The following TUT4 variants were observed in gnomAD, a reference collection of about 807,000 sequenced individuals.
The protein encoded by TUT4 is terminal uridylyltransferase 4.
Under a neutral mutation model 192.2 loss-of-function variants are expected in TUT4, and 36 were observed. The observed-to-expected ratio is 0.19, with a 90% confidence interval of 0.14 to 0.25. TUT4 has a LOEUF of 0.25. TUT4 is among the 10% of genes least tolerant of loss of function. TUT4 has a pLI of 1.00. For synonymous variants in TUT4, 618 were observed against 666.0 expected (o/e 0.93, Z 1.11); for missense variants, 1,493 against 1,957.2 (o/e 0.76, Z 4.47).
intron 11 of TUT4, among the ~76,000 whole-genome samples, chr1:52,480,480 T>C (rs921979725): frequency 2.0e-5 from 3 of 152,136 alleles, no homozygotes; most frequent in Non-Finnish European, 4.4e-5. Context: ...TAGTGTGAGT[T>C]AAGGGGAAAC....
chr1:52,509,616 G>T lies in TUT4; in HGVS notation c.979C>A (p.Arg327=). 1 of 1,579,486 alleles carries T rather than the reference G, an allele frequency of 6.3e-7. No homozygotes were observed. Among genetic ancestry groups the T allele is most frequent in the Non-Finnish European group, 8.7e-7 (1 of 1,155,662 alleles). ...CTTACCAAAATATTTTTCTTATGTC[G>T]TTTCTCCTTTATATGTTTATGAGCC... ...QGAHKHIKEK[R]HKKNILEKQE... The change falls in exon 4 of 30, where the codon CGA becomes AGA. Residue 327 remains arginine (R), a synonymous_variant. Coordinates refer to ENST00000257177, the MANE Select transcript of TUT4 (RefSeq NM_001009881.3).
At chr1:52,463,461 G>A (rs770855534) in intron 16 of TUT4, 51 of 1,045,756 alleles carry the variant, frequency 4.9e-5, no homozygotes, top group South Asian at 6.1e-5. Context: ...TCTTTACTCC[G>A]GGTCTAACAA....
chr1:52,425,461 T>C lies in TUT4; in HGVS notation c.4758A>G (p.Ala1586=). ...GLTPPIPWEH[A]PRPHFPLVPA... ...GGACAAGGGGGAAATGGGGACGCGG[T>C]GCATGTTCCCAAGGAATTGGAGGAG... The change falls in exon 29 of 30, where the codon GCA becomes GCG. Residue 1586 remains alanine (A), a synonymous_variant. Coordinates refer to ENST00000257177, the MANE Select transcript of TUT4 (RefSeq NM_001009881.3). The C allele has an allele frequency of 2.5e-6, 4 of 1,614,022 alleles. No homozygotes were observed. Among genetic ancestry groups the C allele is most frequent in the Non-Finnish European group, 3.4e-6 (4 of 1,179,926 alleles).
chr1:52,542,229 T>C (rs901920235), intron 1 of TUT4, among the ~76,000 whole-genome samples: 8 of 151,820 alleles, frequency 5.3e-5, no homozygotes, highest in South Asian at 2.1e-4. Context: ...GGGTACAGAG[T>C]TTCAGCTTGG....
intron 16 of TUT4, 24 bp downstream of exon 16, chr1:52,465,046 A>G (rs1474900273): frequency 9.6e-6 from 15 of 1,556,970 alleles, no homozygotes; most frequent in Non-Finnish European, 1.1e-5. Flanking sequence ...ATAAACTTAC[A>G]TAACGCTTTC....
intron 4 of TUT4, 73 bp from the exon 5 acceptor site, chr1:52,497,256 G>A (rs1342822977): frequency 7.2e-7 from 1 of 1,395,888 alleles, no homozygotes; most frequent in African/African-American, 1.5e-5. Flanking sequence ...ATTTAGCAGG[G>A]AAAGACAGAA....
At chr1:52,523,860 A>G (rs1680969481) in intron 2 of TUT4, among the ~76,000 whole-genome samples, 2 of 152,234 alleles carry the variant, frequency 1.3e-5, no homozygotes, top group Admixed American at 1.3e-4. Flanking sequence ...AGAAATAAAA[A>G]CAAGCTATTT....
intron 20 of TUT4, among the ~76,000 whole-genome samples, chr1:52,449,770 T>C (rs1427551181): frequency 2.0e-5 from 3 of 152,186 alleles, no homozygotes; most frequent in Admixed American, 2.0e-4. Context: ...TATGAAACTA[T>C]TACTTCCCAT....
chr1:52,448,864 GTTT>G (rs895703338), intron 20 of TUT4, among the ~76,000 whole-genome samples: 2 of 152,136 alleles, frequency 1.3e-5, no homozygotes, highest in East Asian at 3.8e-4. Flanking sequence ...GATCATGATT[GTTT>G]TTAAGAGATT....
intron 9 of TUT4, among the ~76,000 whole-genome samples, chr1:52,487,313 C>T (rs1415786301): frequency 1.3e-5 from 2 of 151,832 alleles, no homozygotes; most frequent in East Asian, 1.9e-4. Flanking sequence ...TAGCCAGGCA[C>T]GTTGGTACAC....
intron 1 of TUT4, among the ~76,000 whole-genome samples, chr1:52,548,476 G>T (rs1688637059): frequency 6.6e-6 from 1 of 152,080 alleles, no homozygotes; most frequent in Admixed American, 6.6e-5. Flanking sequence ...CAGTACAGTG[G>T]CAAAGAGCTG....
intron 4 of TUT4, among the ~76,000 whole-genome samples, chr1:52,498,286 G>A (rs891908761): frequency 7.3e-5 from 10 of 136,682 alleles, no homozygotes; most frequent in Non-Finnish European, 1.4e-4. Context: ...CTGTCGCCCC[G>A]GCTGGAGTGC....
chr1:52,483,782 C>A (rs911330088), intron 9 of TUT4, among the ~76,000 whole-genome samples: 1 of 152,120 alleles, frequency 6.6e-6, no homozygotes, highest in African/African-American at 2.4e-5. Flanking sequence ...TACACTCCAG[C>A]CTGGGCAACA....
In TUT4 at chr1:52,474,852, A is replaced by G. The variant is rs1315203386; in HGVS notation, c.2707T>C (p.Phe903Leu). The change falls in exon 13 of 30, where the codon TTT becomes CTT. Residue 903 changes from phenylalanine (F) to leucine (L), a missense_variant. Phe to Leu is a conservative substitution (Grantham distance 22). Transcript: ENST00000257177. ...TQELYYVFDKFILTSGKPPTI... is the reference protein window; with the variant it reads ...TQELYYVFDKLILTSGKPPTI... ...CCTACCTTGCCAGAGGTTAAAATAA[A>G]CTTATCAAACACATAATATAATTCC... The G allele has an allele frequency of 6.2e-7, 1 of 1,604,028 alleles. No individual in the cohort carries two copies. Among genetic ancestry groups the G allele is most frequent in the African/African-American group, 1.3e-5 (1 of 74,760 alleles).
At chr1:52,427,202 TATG>T (rs1223056841) in intron 28 of TUT4, among the ~76,000 whole-genome samples, 1 of 152,106 alleles carries the variant, frequency 6.6e-6, no homozygotes, top group Admixed American at 6.6e-5. Context: ...AGACAAATGT[TATG>T]ATATGAATAC....
chr1:52,521,213 C>G (rs745690385), intron 2 of TUT4, among the ~76,000 whole-genome samples: 1 of 152,152 alleles, frequency 6.6e-6, no homozygotes, highest in Non-Finnish European at 1.5e-5. Context: ...ATGACTAGTT[C>G]AGTTCCTGGC....
Position 52,528,432 on chromosome 1 carries a change from G to A in TUT4, c.-93-2059C>T, listed in dbSNP as rs899164334. ...CTTGAGACCAGGAGGCAGAGGTTGC[G>A]GTGAGCCAAGATTGCATTCCTGCAT... On this transcript the variant is annotated intron_variant, in intron 1 of 29. Coordinates refer to ENST00000257177, the MANE Select transcript of TUT4 (RefSeq NM_001009881.3). 7.3e-5 allele frequency among the ~76,000 whole-genome samples: 11 copies of A among 151,318 alleles called. No homozygotes were observed. The South Asian group carries it at 1.3e-3, about 17-fold the overall frequency.
At chr1:52,482,436 T>C (rs1283153336) in intron 9 of TUT4, among the ~76,000 whole-genome samples, 3 of 152,308 alleles carry the variant, frequency 2.0e-5, no homozygotes, top group Non-Finnish European at 2.9e-5. Context: ...GTTAGCAAGA[T>C]CTAACACGTT....
chr1:52,444,854 T>C (rs1249456925), intron 24 of TUT4, among the ~76,000 whole-genome samples: 1 of 151,250 alleles, frequency 6.6e-6, no homozygotes, highest in African/African-American at 2.4e-5. Flanking sequence ...TTATGGGACC[T>C]TGTGATCATG....
Sources: allele counts gnomAD v4.1 joint callset (sites outside exome capture counted in the v4.1 genomes callset), GRCh38; gene constraint gnomAD v4.1.1; transcripts MANE v1.5; gene names NCBI Gene and HGNC (gene_info 2026-07-23, HGNC 2026-07-21).